ZNF208: variants seen among roughly 807,000 people sequenced by gnomAD.
ZNF208 encodes zinc finger protein 208.
Under a neutral mutation model 12.1 loss-of-function variants are expected in ZNF208, and 10 were observed. The observed-to-expected ratio is 0.83, with a 90% CI of 0.51 to 1.40. The LOEUF (loss-of-function observed/expected upper bound fraction) is 1.40, where lower values mean the gene tolerates loss of function less well. Ranked by LOEUF, ZNF208 falls within the 40% of genes most tolerant of loss-of-function variation. ZNF208 has a pLI of 0.00. For missense variants in ZNF208, 1,652 were observed against 1,485.0 expected (o/e 1.11, Z -1.85); for synonymous variants, 497 against 488.4 (o/e 1.02, Z -0.23).
At chr19:21,955,911 C>T (rs1274518079) in intron 4 of ZNF208, among the ~76,000 whole-genome samples, 2 of 152,332 alleles carry the variant, frequency 1.3e-5, no homozygotes, top group African/African-American at 2.4e-5. Context: ...AGAAGAGGCA[C>T]TCTGATTTTT....
In ZNF208 at chr19:21,966,117, A is replaced by G. The variant is rs973444252; in HGVS notation, c.*5074T>C. On this transcript the variant is annotated 3_prime_UTR_variant, in exon 4 of 4. Coordinates refer to ENST00000397126, the MANE Select transcript of ZNF208 (RefSeq NM_007153.3). Reference sequence around the variant, plus strand: ...TCATTATACCAAAAAACATTTTATTATTTTTATTTTATATTTAAGGTACAT... The same window carrying G: ...TCATTATACCAAAAAACATTTTATTGTTTTTATTTTATATTTAAGGTACAT... 1.3e-4 allele frequency: 20 copies of G among 152,028 alleles called. No homozygotes were observed. The highest frequency in any genetic ancestry group is 4.6e-4 in the African/African-American group (19 of 41,400). 9.4% of individuals were successfully genotyped at this position (152,028 alleles called of 1,614,324 possible). A position where few individuals can be genotyped will look rare whatever the true frequency, so the allele number is the denominator to read the frequency against.
Position 21,987,244 on chromosome 19 carries a change from C to G in ZNF208, c.198G>C (p.Lys66Asn). ...GGGATTCTTCCACCATCTCATGTCT[C>G]TTCATATTCCAGGACTCTTTTCCTT... Reference protein sequence around the residue: ...LEEGKESWNMKRHEMVEESPV... With the variant: ...LEEGKESWNMNRHEMVEESPV... The change falls in exon 3 of 4, where the codon AAG becomes AAC. Residue 66 changes from lysine to asparagine, a missense_variant. Lys to Asn is a moderately conservative substitution (Grantham distance 94). Around this residue, in one of 3 missense-constraint regions of ZNF208, gnomAD observed 410 missense variants for 378.2 expected, o/e 1.08. Transcript: ENST00000397126. The G allele has an allele frequency of 1.2e-6, 2 of 1,612,872 alleles. No homozygotes were observed. The highest frequency in any genetic ancestry group is 1.7e-6 in the Non-Finnish European group (2 of 1,179,518).
rs369535187 is a variant in ZNF208, at chr19:21,971,585, T to C, written c.3449A>G (p.Tyr1150Cys). 61 of 1,607,406 alleles carry C rather than the reference T, an allele frequency of 3.8e-5. No homozygotes were observed. Among genetic ancestry groups the C allele is most frequent in the Middle Eastern group, 1.7e-4 (1 of 6,030 alleles). ...ATAACTAAGGGTTGAGGACCACTTA[T>C]AGGCTTTGCCACATTCTTCACATTT... ...PYKCEECGKA[Y>C]KWSSTLSYHK... The change falls in exon 4 of 4, where the codon TAT becomes TGT. Residue 1150 changes from tyrosine to cysteine, a missense_variant. By Grantham distance (194) the Tyr-to-Cys change is radical. This residue lies in a region of ZNF208 where 1,239 missense variants were observed against 1,086.2 expected (regional missense o/e 1.14). Transcript: ENST00000397126.
chr19:21,956,316 C>G lies in ZNF208; in HGVS notation c.305+18413G>C, dbSNP rs562696965. 8.2e-3 allele frequency among the ~76,000 whole-genome samples: 772 copies of G among 93,660 alleles called. 4 individuals are homozygous for G. The highest frequency in any genetic ancestry group is 0.037 in the African/African-American group (715 of 19,564). The allele number at this position is 93,660 out of a possible 152,430, so 61.4% of individuals were successfully genotyped here. On this transcript the variant is annotated intron_variant, in intron 4 of 4. Transcript: ENST00000599916. ...CAATTGAGGAGGCAGTCTGTCCATT[C>G]TCATATCTCAAAACTCTGTGCTGGG...
At position 21,973,955 on chromosome 19, in the gene ZNF208, T is replaced by C; in HGVS notation, c.1079A>G (p.Lys360Arg). 7 of 1,613,580 alleles carry C rather than the reference T, an allele frequency of 4.3e-6. No individual in the cohort carries two copies. The highest frequency in any genetic ancestry group is 5.9e-6 in the Non-Finnish European group (7 of 1,179,864). The change falls in exon 4 of 4, where the codon AAG (lysine) becomes AGG (arginine). Residue 360 changes from lysine to arginine, a missense_variant. Around this residue, in one of 3 missense-constraint regions of ZNF208, gnomAD observed 1,239 missense variants for 1,086.2 expected, o/e 1.14. Transcript: ENST00000397126. ...FSKFSILTKH[K>R]VIHTGEKPYK... ...GGGTTTCTCTCCAGTATGAATTACC[T>C]TATGTTTAGTAAGGATTGAGAACTT...
chr19:21,949,587 A>G (rs1374507287), intron 4 of ZNF208, among the ~76,000 whole-genome samples: 2 of 152,212 alleles, frequency 1.3e-5, no homozygotes, highest in African/African-American at 4.8e-5. Context: ...TTGGGAACCT[A>G]AAACTAAAAA....
In ZNF208 at chr19:21,968,972, C is replaced by A. The variant is rs976796831; in HGVS notation, c.*2219G>T. Among the ~76,000 whole-genome samples the A allele has an allele frequency of 6.6e-6, 1 of 152,102 alleles. No individual in the cohort carries two copies. Among genetic ancestry groups the A allele is most frequent in the Non-Finnish European group, 1.5e-5 (1 of 68,028 alleles). ...GGCCAAGGTGGGCATATCATGAGGT[C>A]AGGAGATAGAGACCGTCCTGGCTAA... On this transcript the variant is annotated 3_prime_UTR_variant, in exon 4 of 4. Coordinates refer to ENST00000397126, the MANE Select transcript of ZNF208 (RefSeq NM_007153.3).
At chr19:21,980,384 G>A (rs1393098078) in intron 3 of ZNF208, among the ~76,000 whole-genome samples, 1 of 152,132 alleles carries the variant, frequency 6.6e-6, no homozygotes, top group African/African-American at 2.4e-5. Flanking sequence ...AGAGCACAGT[G>A]CAATCAAATT....
chr19:21,984,046 T>C (rs1244569998), intron 3 of ZNF208, among the ~76,000 whole-genome samples: 16 of 152,028 alleles, frequency 1.1e-4, no homozygotes, highest in Admixed American at 1.0e-3. Context: ...ATAAAGATGG[T>C]ATAAAACAAC....
intron 1 of ZNF208, among the ~76,000 whole-genome samples, chr19:22,010,442 A>C (rs372675850): frequency 4.1e-4 from 62 of 152,274 alleles, no homozygotes; most frequent in African/African-American, 1.3e-3. Flanking sequence ...CACGGACCAA[A>C]GCTCTTCCCA....
intron 1 of ZNF208, among the ~76,000 whole-genome samples, chr19:21,999,714 T>G (rs1202458564): frequency 6.6e-6 from 1 of 151,880 alleles, no homozygotes; most frequent in Non-Finnish European, 1.5e-5. Context: ...AAGCAATGAA[T>G]CTCAGGTCCC....
chr19:21,999,274 A>G (rs1233357575), intron 1 of ZNF208, among the ~76,000 whole-genome samples: 2 of 152,196 alleles, frequency 1.3e-5, no homozygotes, highest in African/African-American at 4.8e-5. Flanking sequence ...CTATATTTCA[A>G]AAATATGAAT....
Position 21,972,999 on chromosome 19 carries a change from T to C in ZNF208, c.2035A>G (p.Ile679Val), listed in dbSNP as rs191964582. 4 of 1,613,626 alleles carry C rather than the reference T, an allele frequency of 2.5e-6. No individual in the cohort carries two copies. Among genetic ancestry groups the C allele is most frequent in the East Asian group, 2.2e-5 (1 of 44,796 alleles). ...ECGKAFSKFS[I>V]LTKHKVIHTG... Reference sequence around the variant, plus strand: ...TGAATTACCTTATGTTTAGTAAGGATTGAGAACTTACTAAAGGCTTTGCCA... The same window carrying C: ...TGAATTACCTTATGTTTAGTAAGGACTGAGAACTTACTAAAGGCTTTGCCA... Residue 679 changes from isoleucine to valine, a missense_variant, in exon 4 of 4, where the codon ATC (isoleucine) becomes GTC (valine). Ile to Val is a conservative substitution (Grantham distance 29). Transcript: ENST00000397126.
At chr19:21,960,504 A>G (rs929209847) in intron 4 of ZNF208, among the ~76,000 whole-genome samples, 49 of 152,216 alleles carry the variant, frequency 3.2e-4, no homozygotes, top group Admixed American at 1.2e-3. Flanking sequence ...TACACAATGG[A>G]ATGCTCTTTA....
Position 21,973,479 on chromosome 19 carries a change from G to C in ZNF208, c.1555C>G (p.His519Asp). Residue 519 changes from histidine (H) to aspartate (D), a missense_variant, in exon 4 of 4, where the codon CAT becomes GAT. Coordinates refer to ENST00000397126, the MANE Select transcript of ZNF208 (RefSeq NM_007153.3). ...CATTTGTAGGGTTTCTCTCCAGTAT[G>C]AATTCTCTTATGTTCCATAAGGTTT... ...SSNLMEHKRI[H>D]TGEKPYKCEE... The C allele has an allele frequency of 1.2e-6, 2 of 1,613,008 alleles. No individual in the cohort carries two copies. The highest frequency in any genetic ancestry group is 1.7e-6 in the Non-Finnish European group (2 of 1,179,824).
intron 4 of ZNF208, among the ~76,000 whole-genome samples, chr19:21,952,468 A>C (rs2262909): frequency 0.78 from 118,053 of 151,680 alleles, 46,675 homozygotes; most frequent in African/African-American, 0.92. Context: ...GATCAGGCAG[A>C]AATATTTGCA....
At chr19:21,987,586 C>G (rs913246890) in intron 2 of ZNF208, among the ~76,000 whole-genome samples, 10 of 152,128 alleles carry the variant, frequency 6.6e-5, no homozygotes, top group African/African-American at 2.2e-4. Context: ...GACCTGCTCT[C>G]TTACTTATAA....
chr19:21,994,949 C>CTTTCTTTTTTTTTT (rs1555747868), intron 1 of ZNF208, among the ~76,000 whole-genome samples: 1 of 38,218 alleles, frequency 2.6e-5, no homozygotes. Flanking sequence ...ATCTGTTTTT[C>CTTTCTTTTTTTTTT]TTTTCTTTTT....
intron 1 of ZNF208, among the ~76,000 whole-genome samples, chr19:22,006,788 T>C (rs1214441033): frequency 1.3e-5 from 2 of 152,196 alleles, no homozygotes; most frequent in Admixed American, 1.3e-4. Flanking sequence ...TCCAGCAAAA[T>C]GATTCAAAAA....
Sources: gnomAD v4.1 joint callset for allele counts (sites outside exome capture counted in the v4.1 genomes callset) on GRCh38, gnomAD v4.1.1 for gene constraint, gnomAD v4.1.1 regional missense constraint, MANE v1.5 for transcripts, NCBI Gene and HGNC (gene_info 2026-07-23, HGNC 2026-07-21) for gene names.